Variants in PDE4D observed in about 807,000 individuals in gnomAD.
The protein encoded by PDE4D is phosphodiesterase 4D, also known as 3',5'-cyclic-AMP phosphodiesterase 4D.
PDE4D carries 24 observed loss-of-function variants against 87.4 expected under a neutral mutation model. The observed-to-expected ratio is 0.27, with a 90% CI of 0.20 to 0.39. The LOEUF (loss-of-function observed/expected upper bound fraction) is 0.39, where lower values mean the gene tolerates loss of function less well. PDE4D is among the 10% of genes least tolerant of loss of function. The pLI is 1.00. For missense variants in PDE4D, 714 were observed against 1,041.0 expected (o/e 0.69, Z 4.32); for synonymous variants, 384 against 383.2 (o/e 1.00, Z -0.02).
intron 1 of PDE4D, among the ~76,000 whole-genome samples, chr5:59,244,717 T>C (rs890921284): frequency 2.8e-5 from 4 of 144,858 alleles, no homozygotes; most frequent in African/African-American, 1.0e-4. Flanking sequence ...TGTGTGTGTG[T>C]GTGTGTATAG....
At chr5:60,100,140 A>G (rs1321282254) in intron 2 of PDE4D, among the ~76,000 whole-genome samples, 2 of 152,068 alleles carry the variant, frequency 1.3e-5, no homozygotes, top group East Asian at 1.9e-4. Context: ...TGGTAAAATT[A>G]AAGCTAGGAG....
At chr5:60,170,737 C>T (rs1043067883) in intron 2 of PDE4D, among the ~76,000 whole-genome samples, 18 of 151,752 alleles carry the variant, frequency 1.2e-4, no homozygotes, top group African/African-American at 4.1e-4. Context: ...ATAGATGAAA[C>T]AACAGAAGAG....
intron 1 of PDE4D, among the ~76,000 whole-genome samples, chr5:60,450,128 T>C (rs995515402): frequency 6.6e-6 from 1 of 151,812 alleles, no homozygotes; most frequent in Admixed American, 6.6e-5. Context: ...ACCATAATTT[T>C]ATTGTCATTT....
In PDE4D at chr5:60,050,561, G is replaced by T. The variant is rs185400931; in HGVS notation, c.43-61844C>A. On this transcript the variant is annotated intron_variant, in intron 2 of 16. Coordinates refer to the PDE4D transcript ENST00000502484. ...CACTAAATTTGGAAAGGAACAACCG[G>T]TAACAGCCACTGCAAAAACATACCA... 7.3e-3 allele frequency among the ~76,000 whole-genome samples: 1,110 copies of T among 152,276 alleles called. 24 individuals are homozygous for T. The highest frequency in any genetic ancestry group is 0.045 in the East Asian group (232 of 5,178).
At chr5:60,355,922 A>G (rs906614720) in intron 1 of PDE4D, among the ~76,000 whole-genome samples, 1 of 152,184 alleles carries the variant, frequency 6.6e-6, no homozygotes, top group African/African-American at 2.4e-5. Flanking sequence ...AGAAAATCCA[A>G]GTATAAGCAG....
intron 1 of PDE4D, among the ~76,000 whole-genome samples, chr5:60,348,149 G>C (rs1210621528): frequency 6.6e-6 from 1 of 152,114 alleles, no homozygotes; most frequent in Non-Finnish European, 1.5e-5. Context: ...GCCATGGGGA[G>C]AGAATTCAGG....
intron 1 of PDE4D, among the ~76,000 whole-genome samples, chr5:60,467,498 G>A (rs2150184432): frequency 6.6e-6 from 1 of 152,192 alleles, no homozygotes; most frequent in South Asian, 2.1e-4. Flanking sequence ...ACAGCCTATG[G>A]TCAACCATCT....
intron 1 of PDE4D, among the ~76,000 whole-genome samples, chr5:60,213,794 T>A (rs1743532532): frequency 6.6e-6 from 1 of 152,140 alleles, no homozygotes; most frequent in Non-Finnish European, 1.5e-5. Flanking sequence ...TAGACCTCCC[T>A]CTGGCCCTCA....
intron 1 of PDE4D, among the ~76,000 whole-genome samples, chr5:59,229,111 C>T (rs1181036529): frequency 6.6e-6 from 1 of 151,884 alleles, no homozygotes; most frequent in African/African-American, 2.4e-5. Context: ...TCTTACTCAC[C>T]CCATTAGAAT....
chr5:59,732,736 T>C (rs989252754), intron 1 of PDE4D, among the ~76,000 whole-genome samples: 4 of 151,994 alleles, frequency 2.6e-5, no homozygotes, highest in Admixed American at 6.6e-5. Context: ...AAAGGAAAAA[T>C]TGGAGCTAAT....
chr5:60,001,995 A>G (rs1393947058), intron 2 of PDE4D, among the ~76,000 whole-genome samples: 2 of 151,884 alleles, frequency 1.3e-5, no homozygotes, highest in Admixed American at 1.3e-4. Flanking sequence ...AAGCACAAGA[A>G]CCACAAACCC....
At chr5:59,170,032 G>A (rs542900761) in intron 5 of PDE4D, among the ~76,000 whole-genome samples, 1 of 152,142 alleles carries the variant, frequency 6.6e-6, no homozygotes, top group South Asian at 2.1e-4. Flanking sequence ...TATTCATGTG[G>A]TAGCTTTTCT....
intron 1 of PDE4D, among the ~76,000 whole-genome samples, chr5:60,259,780 A>G (rs576270392): frequency 6.6e-6 from 1 of 152,122 alleles, no homozygotes; most frequent in East Asian, 1.9e-4. Context: ...TCCTGCCCTC[A>G]AAGAGTTCAT....
chr5:59,122,141 C>CAAAAA (rs56284898), intron 5 of PDE4D, among the ~76,000 whole-genome samples: 10 of 71,582 alleles, frequency 1.4e-4, no homozygotes, highest in African/African-American at 2.9e-4. Context: ...GACTCTATCT[C>CAAAAA]AAAAAAAAAA....
At chr5:60,503,198 G>T (rs549508998) in intron 1 of PDE4D, among the ~76,000 whole-genome samples, 1 of 152,032 alleles carries the variant, frequency 6.6e-6, no homozygotes, top group African/African-American at 2.4e-5. Flanking sequence ...GGGAATCCAC[G>T]ATACTCCTTT....
chr5:59,934,972 C>G (rs572856133), intron 3 of PDE4D, among the ~76,000 whole-genome samples: 2 of 151,978 alleles, frequency 1.3e-5, no homozygotes, highest in African/African-American at 2.4e-5. Flanking sequence ...TTTATTCCAC[C>G]GTAAATATAA....
At chr5:58,999,488 C>T in intron 6 of PDE4D, 4 of 1,511,558 alleles carry the variant, frequency 2.6e-6, no homozygotes, top group Non-Finnish European at 3.6e-6. Flanking sequence ...GTAAGTCTTA[C>T]CTTTATGTAG....
chr5:60,405,256 T>C (rs994997650), intron 1 of PDE4D, among the ~76,000 whole-genome samples: 39 of 152,338 alleles, frequency 2.6e-4, no homozygotes, highest in African/African-American at 9.4e-4. Flanking sequence ...CAGGCAATAA[T>C]GTGTCATCTG....
At chr5:59,897,318 G>C (rs1043903105), upstream of PDE4D, among the ~76,000 whole-genome samples, 9 of 152,174 alleles carry the variant, frequency 5.9e-5, no homozygotes, top group Non-Finnish European at 1.0e-4. Flanking sequence ...ATGATGGAGA[G>C]TTCTGGCAGA....
Sources: gnomAD v4.1 joint callset for allele counts (sites outside exome capture counted in the v4.1 genomes callset) on GRCh38, gnomAD v4.1.1 for gene constraint, MANE v1.5 for transcripts, NCBI Gene and HGNC (gene_info 2026-07-23, HGNC 2026-07-21) for gene names.